INPP5D: variants seen among roughly 807,000 people sequenced by gnomAD.
INPP5D encodes the protein inositol polyphosphate-5-phosphatase D, also known as phosphatidylinositol 3,4,5-trisphosphate 5-phosphatase 1.
A neutral mutation model predicts 122.9 loss-of-function variants in INPP5D; 33 were observed. That is an observed-to-expected ratio of 0.27 (90% confidence interval 0.20 to 0.36). The LOEUF (loss-of-function observed/expected upper bound fraction) is 0.36. Ranked by LOEUF, INPP5D falls within the 10% of genes least tolerant of loss-of-function variation. The pLI is 1.00. For synonymous variants in INPP5D, 584 were observed against 576.2 expected, an observed-to-expected ratio of 1.01 and a Z score of -0.19; for missense variants, 1,053 against 1,412.7, an observed-to-expected ratio of 0.75 and a Z score of 4.08.
intron 21 of INPP5D, among the ~76,000 whole-genome samples, chr2:233,187,294 A>G (rs1038430198): frequency 2.6e-5 from 4 of 152,120 alleles, no homozygotes; most frequent in African/African-American, 7.2e-5. Context: ...TTAGTTGTTC[A>G]TGCTGGGTGG....
At chr2:233,146,267 C>G (rs1230530083) in intron 7 of INPP5D, 25 bp downstream of exon 7, 1 of 704,280 alleles carries the variant, frequency 1.4e-6, no homozygotes, top group Non-Finnish European at 2.6e-6. Context: ...CCTGCGGCTT[C>G]TCTTGGTCTC....
At chr2:233,094,777 A>G (rs1320995544) in intron 2 of INPP5D, among the ~76,000 whole-genome samples, 11 of 152,098 alleles carry the variant, frequency 7.2e-5, no homozygotes, top group African/African-American at 2.2e-4. Flanking sequence ...GGGTTTGAAG[A>G]CCATGTGTGG....
intron 1 of INPP5D, among the ~76,000 whole-genome samples, chr2:233,073,966 C>T (rs56065581): frequency 0.067 from 10,180 of 152,292 alleles, 407 homozygotes; most frequent in Middle Eastern, 0.13. Flanking sequence ...CTCGAATCTT[C>T]CTGAGTTCAC....
At position 233,204,672 on chromosome 2, in the gene INPP5D, G is replaced by A. The variant is rs1202923993; in HGVS notation, c.3522G>A (p.Arg1174=). ...AGCTCCCGCATCACGGCAAGCACCG[G>A]CCGGAGGAGGGGCCACCAGGGCCTC... is the stretch of plus-strand genomic sequence containing the variant. ...NTELPHHGKH[R]PEEGPPGPLG... Residue 1174 remains arginine (R), a synonymous_variant, in exon 26 of 27, where the codon CGG becomes CGA. Transcript: ENST00000445964. The A allele has an allele frequency of 6.4e-7, 1 of 1,571,134 alleles. No homozygotes were observed. The highest frequency in any genetic ancestry group is 1.3e-5 in the African/African-American group (1 of 74,156).
At chr2:233,175,843 C>G (rs968970176) in intron 17 of INPP5D, among the ~76,000 whole-genome samples, 2 of 152,040 alleles carry the variant, frequency 1.3e-5, no homozygotes, top group South Asian at 2.1e-4. Context: ...CCACCATGCC[C>G]GGGTAATTTT....
rs1694183428 is a variant in INPP5D, at chr2:233,160,946, T to C, written c.1138-778T>C. 6.6e-6 allele frequency among the ~76,000 whole-genome samples: 1 copy of C among 152,092 alleles called. No individual in the cohort carries two copies. The highest frequency in any genetic ancestry group is 6.6e-5 in the Admixed American group (1 of 15,258). On this transcript the variant is annotated intron_variant, in intron 10 of 26. Transcript: ENST00000445964. The surrounding 1 kb of genome is among the most constrained non-coding windows in gnomAD (Gnocchi z 4.2). ...CACTGTGCCAGGCCCAAATGTTTTA[T>C]TAAAAATGCAATGATGCTATTCATA...
chr2:233,201,992 C>T (rs1695353252), intron 25 of INPP5D, among the ~76,000 whole-genome samples: 1 of 152,080 alleles, frequency 6.6e-6, no homozygotes. Context: ...CCCCGCCCGC[C>T]CCACCAAGCT....
At chr2:233,204,097 T>C (rs1695412708) in intron 25 of INPP5D, 29 bp from the exon 26 acceptor site, 8 of 1,479,816 alleles carry the variant, frequency 5.4e-6, no homozygotes, top group Non-Finnish European at 7.2e-6. Context: ...CCTGGACATG[T>C]GTCTTCCCTG....
chr2:233,141,967 A>T (rs1220347772), intron 6 of INPP5D, among the ~76,000 whole-genome samples: 1 of 152,260 alleles, frequency 6.6e-6, no homozygotes, highest in African/African-American at 2.4e-5. Flanking sequence ...TCTGAAGTGA[A>T]TGATGGGTTA....
At chr2:233,184,011 C>A (rs1259579783) in intron 19 of INPP5D, among the ~76,000 whole-genome samples, 1 of 152,094 alleles carries the variant, frequency 6.6e-6, no homozygotes, top group Non-Finnish European at 1.5e-5. Flanking sequence ...AGCTGCTAGC[C>A]CTCATTATCT....
intron 11 of INPP5D, among the ~76,000 whole-genome samples, chr2:233,162,805 C>T (rs1036676888): frequency 8.5e-5 from 13 of 152,190 alleles, no homozygotes; most frequent in Non-Finnish European, 1.2e-4. Context: ...GAGTAGAGCC[C>T]GGGCCAGTGC....
chr2:233,134,471 G>A (rs1693412316), intron 5 of INPP5D, among the ~76,000 whole-genome samples: 1 of 152,172 alleles, frequency 6.6e-6, no homozygotes, highest in Admixed American at 6.5e-5. Flanking sequence ...GGACCCAAGT[G>A]TGAATGAGAA....
At chr2:233,147,063 T>C (rs1693781560) in intron 8 of INPP5D, among the ~76,000 whole-genome samples, 1 of 152,222 alleles carries the variant, frequency 6.6e-6, no homozygotes. Context: ...TTCTTTTCTA[T>C]TATTATCAGT....
rs768899994 is a variant in INPP5D, at chr2:233,204,364, G to A, written c.3214G>A (p.Glu1072Lys). The A allele has an allele frequency of 5.0e-6, 8 of 1,610,094 alleles. No individual in the cohort carries two copies. The highest frequency in any genetic ancestry group is 1.1e-5 in the South Asian group (1 of 90,882). ...LTKAQEADRG[E>K]GPGKQVPAPR... is the part of the protein sequence containing the mutation. ...CAAAGCCCAGGAGGCTGATCGCGGC[G>A]AGGGGCCCGGCAAGCAGGTGCCCGC... The change falls in exon 26 of 27, where the codon GAG (glutamate) becomes AAG (lysine). Residue 1072 changes from glutamate to lysine, a missense_variant. By Grantham distance (56) the Glu-to-Lys change is moderately conservative. Transcript: ENST00000445964.
At chr2:233,090,118 C>G (rs1036257495) in intron 2 of INPP5D, among the ~76,000 whole-genome samples, 2 of 152,226 alleles carry the variant, frequency 1.3e-5, no homozygotes, top group African/African-American at 4.8e-5. Context: ...GGGCACAGGA[C>G]AGAGGATGCG....
chr2:233,094,512 C>CAAAAAAAAAAAAAAA lies in INPP5D; in HGVS notation c.198+15130_198+15144dup, dbSNP rs58284775. The stretch of plus-strand genomic sequence containing the variant: ...TGGGCAATAGAGCAAGACTCCATCC[C>CAAAAAAAAAAAAAAA]AAAAAAAAAAAAAAAAAAAAAAAAA... On this transcript the variant is annotated intron_variant, in intron 2 of 26. Coordinates refer to ENST00000445964, the MANE Select transcript of INPP5D (RefSeq NM_001017915.3). 3.3e-3 allele frequency among the ~76,000 whole-genome samples: 116 copies of CAAAAAAAAAAAAAAA among 34,956 alleles called. 52 individuals are homozygous for CAAAAAAAAAAAAAAA. The Middle Eastern group carries it at 0.079, about 24-fold the overall frequency. 22.9% of individuals were successfully genotyped at this position (34,956 alleles called of 152,430 possible).
rs766212876 is a variant in INPP5D at position 233,177,382 on chromosome 2, A to G, written c.2071+36A>G. 5.0e-5 allele frequency: 80 copies of G among 1,613,204 alleles called. No individual in the cohort carries two copies. In the Admixed American group the frequency reaches 1.3e-3, roughly 27 times the overall value. On this transcript the variant is annotated intron_variant, in intron 18 of 26. Transcript: ENST00000445964. The surrounding 1 kb of genome is among the most constrained non-coding windows in gnomAD (Gnocchi z 4.2). ...ACACTGGGGAAAGCAGAACAGGATC[A>G]GAGAATGGCACCAAGCTGGGAGGTG...
At chr2:233,086,184 T>TCTTTCTTTCTTC (rs1691841640) in intron 2 of INPP5D, among the ~76,000 whole-genome samples, 2 of 146,082 alleles carry the variant, frequency 1.4e-5, no homozygotes, top group Non-Finnish European at 3.0e-5. Context: ...TTTCTTTCTT[T>TCTTTCTTTCTTC]CTTTCCTTTT....
At position 233,189,779 on chromosome 2, in the gene INPP5D, C is replaced by T; in HGVS notation, c.2359-71C>T. On this transcript the variant is annotated intron_variant, in intron 21 of 26. Transcript: ENST00000445964. This position sits in a 1 kb window ranked among gnomAD's most constrained non-coding sequence, Gnocchi z 5.6. Reference sequence around the variant, plus strand: ...GAACACCTTTCGTCATCTTCATCCACTTGTCCACCCACCTGTCCCCTCACC... The same window carrying T: ...GAACACCTTTCGTCATCTTCATCCATTTGTCCACCCACCTGTCCCCTCACC... The T allele has an allele frequency of 6.3e-7, 1 of 1,575,084 alleles. No homozygotes were observed. The highest frequency in any genetic ancestry group is 8.6e-7 in the Non-Finnish European group (1 of 1,161,718).
Sources: gnomAD v4.1 joint callset for allele counts (sites outside exome capture counted in the v4.1 genomes callset) on GRCh38, gnomAD v4.1.1 for gene constraint, Gnocchi (gnomAD v3.1) non-coding constraint, MANE v1.5 for transcripts, NCBI Gene and HGNC (gene_info 2026-07-23, HGNC 2026-07-21) for gene names.